Variants in WDR70 observed in about 807,000 individuals in gnomAD.
WDR70 encodes WD repeat-containing protein 70.
A neutral mutation model predicts 88.6 loss-of-function variants in WDR70; 53 were observed. The observed-to-expected ratio is 0.60, with a 90% CI of 0.48 to 0.75. WDR70 has a LOEUF of 0.75. WDR70 is among the 30% of genes least tolerant of loss of function. The pLI, the probability that WDR70 is intolerant of heterozygous loss-of-function variation, is 0.00. For missense variants in WDR70, 610 were observed against 823.2 expected (o/e 0.74, Z 3.17); for synonymous variants, 280 against 270.0 (o/e 1.04, Z -0.36).
chr5:37,695,617 T>G (rs1285048698), intron 10 of WDR70, among the ~76,000 whole-genome samples: 5 of 152,176 alleles, frequency 3.3e-5, no homozygotes, highest in African/African-American at 1.2e-4. Flanking sequence ...CATCTTTAAG[T>G]CGATAGTGAC....
intron 10 of WDR70, among the ~76,000 whole-genome samples, chr5:37,610,304 G>T (rs898701009): frequency 3.2e-4 from 49 of 151,534 alleles, no homozygotes; most frequent in African/African-American, 1.0e-3. Context: ...TATGTAGAGA[G>T]AATTTGAAGC....
intron 5 of WDR70, among the ~76,000 whole-genome samples, chr5:37,404,314 A>G (rs1054657600): frequency 6.6e-6 from 1 of 152,160 alleles, no homozygotes; most frequent in African/African-American, 2.4e-5. Context: ...TGTCTCATGG[A>G]TACCTAAGGA....
chr5:37,505,749 A>G, intron 8 of WDR70: 1 of 1,349,320 alleles, frequency 7.4e-7, no homozygotes, highest in Non-Finnish European at 1.1e-6. Context: ...AGCTCCCTAC[A>G]CGTTGGACCC....
At chr5:37,582,986 C>A (rs1327783342) in intron 9 of WDR70, among the ~76,000 whole-genome samples, 1 of 152,226 alleles carries the variant, frequency 6.6e-6, no homozygotes, top group Non-Finnish European at 1.5e-5. Context: ...CCTAGTAGTT[C>A]ATAGCCTCTG....
chr5:37,623,942 C>T lies in WDR70; in HGVS notation c.1092+18704C>T, dbSNP rs188154779. Among the ~76,000 whole-genome samples, 4 of 152,132 alleles carry T rather than the reference C, an allele frequency of 2.6e-5. No homozygotes were observed. The East Asian group carries it at 7.7e-4, about 29-fold the overall frequency. On this transcript the variant is annotated intron_variant, in intron 10 of 17. Transcript: ENST00000265107. ...TGGCATACATAGTGACGAATTGATC[C>T]TTTCCTTCACTTCACTGTTACGTTT...
intron 9 of WDR70, among the ~76,000 whole-genome samples, chr5:37,532,050 G>A (rs1338027760): frequency 6.6e-6 from 1 of 152,128 alleles, no homozygotes; most frequent in African/African-American, 2.4e-5. Flanking sequence ...ATTCTTAGCT[G>A]AAAATTGTTT....
rs138133548 is a variant in WDR70, at chr5:37,659,822, C to T, written c.1093-37833C>T. 1.3e-3 allele frequency among the ~76,000 whole-genome samples: 195 copies of T among 152,234 alleles called. 4 individuals are homozygous for T. Among genetic ancestry groups the T allele is most frequent in the African/African-American group, 4.2e-3 (176 of 41,558 alleles). ...ACTAATTCCATCATAGCGGCCCATC[C>T]TCATAAACTCATCTAAACCTAATTA... On this transcript the variant is annotated intron_variant, in intron 10 of 17. Transcript: ENST00000265107.
intron 17 of WDR70, among the ~76,000 whole-genome samples, chr5:37,739,589 C>CT (rs144592161): frequency 0.042 from 6,455 of 152,130 alleles, 467 homozygotes; most frequent in African/African-American, 0.15. Flanking sequence ...TTTTTAGTGT[C>CT]TATTTGATTT....
At chr5:37,411,451 T>G (rs567895095) in intron 5 of WDR70, among the ~76,000 whole-genome samples, 3 of 152,064 alleles carry the variant, frequency 2.0e-5, no homozygotes, top group Non-Finnish European at 4.4e-5. Flanking sequence ...TTTGGCCAGA[T>G]GCAGTGGCTC....
At chr5:37,670,844 G>A (rs896992733) in intron 10 of WDR70, among the ~76,000 whole-genome samples, 1 of 152,080 alleles carries the variant, frequency 6.6e-6, no homozygotes, top group Non-Finnish European at 1.5e-5. Context: ...TCTTTATTTT[G>A]TTCACTGCTA....
At chr5:37,487,589 A>ATG (rs1440952775) in intron 8 of WDR70, among the ~76,000 whole-genome samples, 84 of 111,630 alleles carry the variant, frequency 7.5e-4, no homozygotes, top group African/African-American at 2.4e-3. Context: ...ATATATGGGT[A>ATG]TGTATATATA....
rs1581426936 is a variant in WDR70 at position 37,601,735 on chromosome 5, C to T, written c.918-3329C>T. On this transcript the variant is annotated intron_variant, in intron 9 of 17. Coordinates refer to ENST00000265107, the MANE Select transcript of WDR70 (RefSeq NM_018034.4). The stretch of plus-strand genomic sequence containing the variant: ...TCTGGTCAGATTTTCTACTTCCACA[C>T]TGCCAACAATCTATATGAAAAAGAC... Among the ~76,000 whole-genome samples the T allele has an allele frequency of 2.0e-5, 3 of 152,154 alleles. No homozygotes were observed. The South Asian group carries it at 6.2e-4, about 32-fold the overall frequency.
At chr5:37,448,395 C>G (rs1228351549) in intron 7 of WDR70, among the ~76,000 whole-genome samples, 4 of 152,124 alleles carry the variant, frequency 2.6e-5, no homozygotes, top group Non-Finnish European at 4.4e-5. Context: ...GAGACCAAAT[C>G]TGGTTGCTAG....
intron 10 of WDR70, among the ~76,000 whole-genome samples, chr5:37,625,255 C>G (rs1275543647): frequency 6.6e-6 from 1 of 152,180 alleles, no homozygotes; most frequent in East Asian, 1.9e-4. Context: ...TTTTGAGGAA[C>G]TGTTCTCCAT....
chr5:37,715,012 G>T (rs1294975664), intron 13 of WDR70, among the ~76,000 whole-genome samples: 3 of 152,260 alleles, frequency 2.0e-5, no homozygotes, highest in East Asian at 1.9e-4. Flanking sequence ...TGACTACCAG[G>T]TTCCAGATTT....
chr5:37,715,570 C>T (rs1747630671), intron 13 of WDR70, among the ~76,000 whole-genome samples: 1 of 152,150 alleles, frequency 6.6e-6, no homozygotes, highest in Admixed American at 6.5e-5. Context: ...ATGTTTGCTT[C>T]CTGAACTTCA....
rs769700134 is a variant in WDR70, at chr5:37,725,001, A to G, written c.1665A>G (p.Arg555=). 2.5e-6 allele frequency: 4 copies of G among 1,613,688 alleles called. No homozygotes were observed. The South Asian group carries it at 4.4e-5, about 18-fold the overall frequency. Reference sequence around the variant, plus strand: ...CAAGGAAACAGCTGGAGAAGGACAGACTGGATCCCCTGAAGTCGCATAAAC... The same window carrying G: ...CAAGGAAACAGCTGGAGAAGGACAGGCTGGATCCCCTGAAGTCGCATAAAC... ...RSTRKQLEKD[R]LDPLKSHKPE... Residue 555 remains arginine, a synonymous_variant, in exon 16 of 18, where the codon AGA becomes AGG. Coordinates refer to ENST00000265107, the MANE Select transcript of WDR70 (RefSeq NM_018034.4).
Position 37,542,883 on chromosome 5 carries a change from A to G in WDR70, c.917+26293A>G, listed in dbSNP as rs955177409. On this transcript the variant is annotated intron_variant, in intron 9 of 17. Transcript: ENST00000265107. ...TTTGCTTATATCCATGCCCTTTGCAATGTGACTTTGCAGCTACTCCCATTA... is the reference window on the plus strand; with the variant it reads ...TTTGCTTATATCCATGCCCTTTGCAGTGTGACTTTGCAGCTACTCCCATTA... Among the ~76,000 whole-genome samples the G allele has an allele frequency of 2.6e-5, 4 of 152,294 alleles. No individual in the cohort carries two copies. The South Asian group carries it at 8.3e-4, about 32-fold the overall frequency.
At chr5:37,506,452 AG>A in intron 8 of WDR70, 1 of 767,498 alleles carries the variant, frequency 1.3e-6, no homozygotes, top group South Asian at 1.4e-5. Context: ...TCAATTAAGA[AG>A]GCTCCTCTAT....
Sources: gnomAD v4.1 joint callset for allele counts (sites outside exome capture counted in the v4.1 genomes callset) on GRCh38, gnomAD v4.1.1 for gene constraint, MANE v1.5 for transcripts, NCBI Gene and HGNC (gene_info 2026-07-23, HGNC 2026-07-21) for gene names.